The following IMMT variants were observed in gnomAD, a reference collection of about 807,000 sequenced individuals.
The protein encoded by IMMT is inner membrane mitochondrial protein.
IMMT carries 40 observed loss-of-function variants against 92.7 expected under a neutral mutation model. That is an observed-to-expected ratio of 0.43 (90% confidence interval 0.34 to 0.56). The LOEUF is 0.56. IMMT is among the 20% of genes least tolerant of loss of function. The pLI is 0.03. For missense variants in IMMT, 831 were observed against 912.1 expected (o/e 0.91, Z 1.14); for synonymous variants, 322 against 336.1 (o/e 0.96, Z 0.46).
chr2:86,178,403 G>A (rs150778779), intron 3 of IMMT, among the ~76,000 whole-genome samples: 1,977 of 151,210 alleles, frequency 0.013, 19 homozygotes, highest in Middle Eastern at 0.041. Flanking sequence ...CGAGGCAGGC[G>A]GACCACAGGT....
At chr2:86,194,901 TC>T (rs1355760295) in intron 1 of IMMT, 1 of 184,268 alleles carries the variant, frequency 5.4e-6, no homozygotes, top group Non-Finnish European at 1.3e-5. Context: ...AAATGTGGAC[TC>T]TCGCTAGAAG....
chr2:86,187,175 A>G (rs936562818), intron 1 of IMMT, among the ~76,000 whole-genome samples: 1 of 152,166 alleles, frequency 6.6e-6, no homozygotes, highest in African/African-American at 2.4e-5. Flanking sequence ...ATCACCCTAA[A>G]AGGAAATCCT....
rs754479475 is a variant in IMMT at position 86,144,495 on chromosome 2, C to G, written c.2050G>C (p.Asp684His). Reference protein sequence around the residue: ...LKPPPELCPEDINTFKLLSYA... With the variant: ...LKPPPELCPEHINTFKLLSYA... ...GACAGTAATTTAAATGTGTTTATAT[C>G]CTCAGGGCAGAGCTCTGGGGGCGGC... Residue 684 changes from aspartate (D) to histidine (H), a missense_variant, in exon 15 of 15, where the codon GAT becomes CAT. Physicochemically the swap from Asp to His is moderately conservative, Grantham distance 81. Coordinates refer to ENST00000410111, the MANE Select transcript of IMMT (RefSeq NM_006839.3). 1.2e-6 allele frequency: 2 copies of G among 1,613,974 alleles called. No individual in the cohort carries two copies. The highest frequency in any genetic ancestry group is 1.7e-5 in the Admixed American group (1 of 60,010).
intron 3 of IMMT, among the ~76,000 whole-genome samples, chr2:86,174,121 T>C (rs113478437): frequency 4.4e-4 from 67 of 152,366 alleles, no homozygotes; most frequent in Non-Finnish European, 6.6e-4. Context: ...ATGTCTTCTG[T>C]ATACATTCAG....
At chr2:86,150,299 G>A (rs1482729614) in intron 12 of IMMT, among the ~76,000 whole-genome samples, 1 of 152,172 alleles carries the variant, frequency 6.6e-6, no homozygotes, top group Non-Finnish European at 1.5e-5. Context: ...AAACTTCCAA[G>A]TCACGGGACT....
At chr2:86,155,245 G>T (rs900073526) in intron 10 of IMMT, among the ~76,000 whole-genome samples, 1 of 152,060 alleles carries the variant, frequency 6.6e-6, no homozygotes, top group African/African-American at 2.4e-5. Context: ...AACATCAACT[G>T]ACTAAACATC....
rs1348602922 is a variant in IMMT, at chr2:86,179,462, C to T, written c.280G>A (p.Ala94Thr). 2.5e-6 allele frequency: 4 copies of T among 1,608,568 alleles called. No individual in the cohort carries two copies. In the African/African-American group the frequency reaches 5.4e-5, roughly 22 times the overall value. Residue 94 changes from alanine (A) to threonine (T), a missense_variant, in exon 3 of 15, where the codon GCT becomes ACT. Coordinates refer to ENST00000410111, the MANE Select transcript of IMMT (RefSeq NM_006839.3). Reference protein sequence around the residue: ...KLFEMVLGPAAYNVPLPKKSI... With the variant: ...KLFEMVLGPATYNVPLPKKSI... Reference sequence around the variant, plus strand: ...TTCTTTGGCAATGGAACATTATAAGCTGCAGGACCAAGAACCATCTCGAAG... The same window carrying T: ...TTCTTTGGCAATGGAACATTATAAGTTGCAGGACCAAGAACCATCTCGAAG...
At chr2:86,151,217 T>G in intron 12 of IMMT, 80 bp downstream of exon 12, 11 of 1,234,198 alleles carry the variant, frequency 8.9e-6, no homozygotes, top group Middle Eastern at 2.7e-4. Context: ...TGCACCCGGC[T>G]GAGCCAGTAT....
chr2:86,146,759 G>A (rs938754383), intron 13 of IMMT, among the ~76,000 whole-genome samples: 1 of 151,570 alleles, frequency 6.6e-6, no homozygotes, highest in African/African-American at 2.4e-5. Context: ...GAAACAAACT[G>A]CCAACTGTAT....
At chr2:86,175,138 C>G (rs749779354) in intron 3 of IMMT, among the ~76,000 whole-genome samples, 3 of 152,076 alleles carry the variant, frequency 2.0e-5, no homozygotes, top group Non-Finnish European at 2.9e-5. Context: ...TGTGTCCCAA[C>G]CTTATTTTAT....
At chr2:86,183,491 T>C (rs1468205222) in intron 1 of IMMT, among the ~76,000 whole-genome samples, 2 of 152,198 alleles carry the variant, frequency 1.3e-5, no homozygotes, top group Admixed American at 6.5e-5. Context: ...TCTTTTATCT[T>C]GACTCTCCAT....
chr2:86,151,376 T>G lies in IMMT; in HGVS notation c.1322A>C (p.Glu441Ala). Reference sequence around the variant, plus strand: ...TACTGCAGAGTCAAATGCCCGCTTTTCTTCCAGCTTTTGTTTCTCCAAGGC... The same window carrying G: ...TACTGCAGAGTCAAATGCCCGCTTTGCTTCCAGCTTTTGTTTCTCCAAGGC... ...TLALEKQKLEEKRAFDSAVAK... is the reference protein window; with the variant it reads ...TLALEKQKLEAKRAFDSAVAK... The change falls in exon 12 of 15, where the codon GAA (glutamate) becomes GCA (alanine). Residue 441 changes from glutamate (E) to alanine (A), a missense_variant. Glu to Ala is a moderately radical substitution (Grantham distance 107). Coordinates refer to ENST00000410111, the MANE Select transcript of IMMT (RefSeq NM_006839.3). The G allele has an allele frequency of 6.2e-7, 1 of 1,614,066 alleles. No individual in the cohort carries two copies. The highest frequency in any genetic ancestry group is 8.5e-7 in the Non-Finnish European group (1 of 1,179,904).
At chr2:86,156,823 T>C (rs12465983) in intron 10 of IMMT, among the ~76,000 whole-genome samples, 69,742 of 151,788 alleles carry the variant, frequency 0.46, 16,569 homozygotes, top group Non-Finnish European at 0.51. Context: ...CACTGGAGAC[T>C]CCCTACTACC....
chr2:86,181,154 C>A (rs1672408071), intron 2 of IMMT, 145 bp downstream of exon 2: 1 of 572,908 alleles, frequency 1.7e-6, no homozygotes, highest in Non-Finnish European at 3.1e-6. Flanking sequence ...CCAGAAGGTA[C>A]CCCAATAATG....
Position 86,147,816 on chromosome 2 carries a change from A to G in IMMT, c.1419T>C (p.Asp473=). 2 of 1,613,812 alleles carry G rather than the reference A, an allele frequency of 1.2e-6. No homozygotes were observed. The highest frequency in any genetic ancestry group is 1.7e-6 in the Non-Finnish European group (2 of 1,179,830). The part of the protein sequence containing the change: ...EQDRKIEEVR[D]AMENEMRTQL... ...GGGTTCTCATTTCATTTTCCATGGC[A>G]TCTCTGACTTCTTCTATCTGTGAAA... Residue 473 remains aspartate, a synonymous_variant, in exon 13 of 15, where the codon GAT becomes GAC. Coordinates refer to ENST00000410111, the MANE Select transcript of IMMT (RefSeq NM_006839.3).
chr2:86,194,987 G>C (rs944679687), intron 1 of IMMT: 1 of 279,524 alleles, frequency 3.6e-6, no homozygotes, highest in South Asian at 1.6e-4. Context: ...GTTCTCGCCC[G>C]TCGACCTTCA....
At chr2:86,180,682 T>C (rs1672375252) in intron 2 of IMMT, among the ~76,000 whole-genome samples, 2 of 146,976 alleles carry the variant, frequency 1.4e-5, no homozygotes, top group African/African-American at 5.0e-5. Flanking sequence ...AGGTCAGGAG[T>C]TCAAAACCAG....
rs147402265 is a variant in IMMT, at chr2:86,181,689, C to T, written c.46-317G>A. Among the ~76,000 whole-genome samples, 231 of 151,528 alleles carry T rather than the reference C, an allele frequency of 1.5e-3. 2 individuals are homozygous for T. The highest frequency in any genetic ancestry group is 5.4e-3 in the African/African-American group (223 of 41,302). On this transcript the variant is annotated intron_variant, in intron 1 of 14. Transcript: ENST00000410111. ...ACAATTGGTATTTGCTATATGTTTTCTTAATTGGCAAAAAAAAAAATCTAT... is the reference window on the plus strand; with the variant it reads ...ACAATTGGTATTTGCTATATGTTTTTTTAATTGGCAAAAAAAAAAATCTAT...
At chr2:86,148,876 GTATT>G (rs70953990) in intron 12 of IMMT, among the ~76,000 whole-genome samples, 57,549 of 151,852 alleles carry the variant, frequency 0.38, 13,391 homozygotes, top group Non-Finnish European at 0.52. Flanking sequence ...CAGTGCATAA[GTATT>G]TATGAAGTGC....
Sources: gnomAD v4.1 joint callset for allele counts (sites outside exome capture counted in the v4.1 genomes callset) on GRCh38, gnomAD v4.1.1 for gene constraint, MANE v1.5 for transcripts, NCBI Gene and HGNC (gene_info 2026-07-23, HGNC 2026-07-21) for gene names.